The following SLC37A1 variants were observed in gnomAD, a reference collection of about 807,000 sequenced individuals.
SLC37A1 encodes the protein solute carrier family 37 member 1, also known as glucose-6-phosphate exchanger SLC37A1.
Under a neutral mutation model 75.3 loss-of-function variants are expected in SLC37A1, and 49 were observed. That is an observed-to-expected ratio of 0.65 (90% confidence interval 0.52 to 0.83). The LOEUF (loss-of-function observed/expected upper bound fraction) is 0.83. Ranked by LOEUF, SLC37A1 falls within the 40% of genes least tolerant of loss-of-function variation. The probability of loss-of-function intolerance (pLI) is 0.00; values close to 1 mark genes in which losing one functional copy is unlikely to be tolerated. For synonymous variants in SLC37A1, 268 were observed against 292.1 expected, an observed-to-expected ratio of 0.92 and a Z score of 0.84; for missense variants, 566 against 695.0, an observed-to-expected ratio of 0.81 and a Z score of 2.09.
intron 16 of SLC37A1, among the ~76,000 whole-genome samples, chr21:42,567,851 C>T (rs2056019403): frequency 6.6e-6 from 1 of 152,180 alleles, no homozygotes. Context: ...GGACCTGCGC[C>T]AGCCTTGGTT....
chr21:42,518,263 C>A lies in SLC37A1; in HGVS notation c.-178-14C>A. On this transcript the variant is annotated splice_polypyrimidine_tract_variant and intron_variant, in intron 1 of 19. Transcript: ENST00000352133. Reference sequence around the variant, plus strand: ...ACGACACTGGACTCTGAATGCCTCTCCTCCTCCTTGTAGAGAGCAGAGCCA... The same window carrying A: ...ACGACACTGGACTCTGAATGCCTCTACTCCTCCTTGTAGAGAGCAGAGCCA... The A allele has an allele frequency of 1.6e-6, 1 of 628,538 alleles. No homozygotes were observed. Among genetic ancestry groups the A allele is most frequent in the Non-Finnish European group, 2.8e-6 (1 of 353,478 alleles). 38.9% of individuals were successfully genotyped at this position (628,538 alleles called of 1,614,324 possible). A position where few individuals can be genotyped will look rare whatever the true frequency, so the allele number is the denominator to read the frequency against.
Position 42,574,984 on chromosome 21 carries a change from T to C in SLC37A1, c.1521+69T>C. ...CTCTGTGGTTGTGTCCAAACACTGGTGGAACTTTCTCCCATGCATTCCTGA... is the reference window on the plus strand; with the variant it reads ...CTCTGTGGTTGTGTCCAAACACTGGCGGAACTTTCTCCCATGCATTCCTGA... On this transcript the variant is annotated intron_variant, in intron 18 of 19. Coordinates refer to ENST00000352133, the MANE Select transcript of SLC37A1 (RefSeq NM_001320537.2). 3 of 1,597,234 alleles carry C rather than the reference T, an allele frequency of 1.9e-6. No individual in the cohort carries two copies. In the South Asian group the frequency reaches 3.4e-5, roughly 18 times the overall value.
chr21:42,548,096 G>A lies in SLC37A1; in HGVS notation c.768+956G>A, dbSNP rs1057179099. Among the ~76,000 whole-genome samples the A allele has an allele frequency of 5.3e-5, 8 of 152,242 alleles. No homozygotes were observed. Among genetic ancestry groups the A allele is most frequent in the South Asian group, 2.1e-4 (1 of 4,820 alleles). On this transcript the variant is annotated intron_variant, in intron 9 of 19. Transcript: ENST00000352133. This position sits in a 1 kb window ranked among gnomAD's most constrained non-coding sequence, Gnocchi z 5.6. ...CTACCCGGGCTAACATGTTAGTCACGTCTGTGCCGAGTGTCAGACCCCAGA... is the reference window on the plus strand; with the variant it reads ...CTACCCGGGCTAACATGTTAGTCACATCTGTGCCGAGTGTCAGACCCCAGA...
rs866475115 is a variant in SLC37A1 at position 42,530,625 on chromosome 21, C to T, written c.139-4073C>T. On this transcript the variant is annotated intron_variant, in intron 3 of 19. Transcript: ENST00000352133. The stretch of plus-strand genomic sequence containing the variant: ...ACACACACACACACACACACACACA[C>T]ACACACACACACACACACACACACA... 8.4e-4 allele frequency among the ~76,000 whole-genome samples: 90 copies of T among 106,726 alleles called. 2 individuals are homozygous for T. The South Asian group carries it at 0.026, about 31-fold the overall frequency. The allele number at this position is 106,726 out of a possible 152,430, so 70.0% of individuals were successfully genotyped here. A position where few individuals can be genotyped will look rare whatever the true frequency, so the allele number is the denominator to read the frequency against.
intron 1 of SLC37A1, among the ~76,000 whole-genome samples, chr21:42,500,620 C>A (rs376587390): frequency 6.6e-6 from 1 of 152,252 alleles, no homozygotes; most frequent in East Asian, 1.9e-4. Flanking sequence ...TTATCTTAAT[C>A]GTTTTCAGTC....
At chr21:42,503,460 C>T (rs1425664038) in intron 2 of SLC37A1, among the ~76,000 whole-genome samples, 2 of 151,858 alleles carry the variant, frequency 1.3e-5, no homozygotes, top group African/African-American at 4.8e-5. Context: ...GCCATGTCGC[C>T]CAGGCTCAAC....
intron 17 of SLC37A1, among the ~76,000 whole-genome samples, chr21:42,569,508 G>A (rs559620759): frequency 7.2e-4 from 13 of 18,100 alleles, no homozygotes; most frequent in East Asian, 3.8e-3. Context: ...CCCTCGTGCC[G>A]CACTCCCTCG....
In SLC37A1 at chr21:42,547,297, T is replaced by A; in HGVS notation, c.768+157T>A. On this transcript the variant is annotated intron_variant, in intron 9 of 19. Transcript: ENST00000352133. The surrounding 1 kb of genome is among the most constrained non-coding windows in gnomAD (Gnocchi z 6.1). ...GCAGTTCTAGGAATAGAGAATATTC[T>A]GTTTTGGGTTTCGCTGATAATAACC... 1.3e-6 allele frequency: 1 copy of A among 787,492 alleles called. No homozygotes were observed. Among genetic ancestry groups the A allele is most frequent in the Non-Finnish European group, 2.1e-6 (1 of 477,954 alleles). The allele number at this position is 787,492 out of a possible 1,614,324, so 48.8% of individuals were successfully genotyped here. A position where few individuals can be genotyped will look rare whatever the true frequency, so the allele number is the denominator to read the frequency against.
At chr21:42,579,624 G>C in intron 18 of SLC37A1, 112 bp from the exon 19 acceptor site, 1 of 754,420 alleles carries the variant, frequency 1.3e-6, no homozygotes, top group South Asian at 1.8e-5. Context: ...AGGTGCTGTG[G>C]GGAGAGAGCC....
rs751398180 is a variant in SLC37A1, at chr21:42,539,619, A to G, written c.458A>G (p.His153Arg). 2.5e-6 allele frequency: 4 copies of G among 1,613,786 alleles called. No homozygotes were observed. The highest frequency in any genetic ancestry group is 3.4e-6 in the Non-Finnish European group (4 of 1,179,880). Residue 153 changes from histidine (H) to arginine (R), a missense_variant, in exon 6 of 20, where the codon CAC becomes CGC. His to Arg is a conservative substitution (Grantham distance 29, BLOSUM62 0). Coordinates refer to ENST00000352133, the MANE Select transcript of SLC37A1 (RefSeq NM_001320537.2). ...GGCTTAGGGTATTTCTACAACATCCACAGTTTCGGATTCTACGTGGTAACT... is the reference window on the plus strand; with the variant it reads ...GGCTTAGGGTATTTCTACAACATCCGCAGTTTCGGATTCTACGTGGTAACT... ...LFGLGYFYNI[H>R]SFGFYVVTQV...
chr21:42,519,089 T>C (rs1423447732), intron 2 of SLC37A1, among the ~76,000 whole-genome samples: 1 of 152,200 alleles, frequency 6.6e-6, no homozygotes, highest in African/African-American at 2.4e-5. Flanking sequence ...CCTGCTGACC[T>C]CTTCTGGGAG....
chr21:42,540,202 C>T (rs367763114), intron 6 of SLC37A1, among the ~76,000 whole-genome samples: 1 of 152,296 alleles, frequency 6.6e-6, no homozygotes, highest in African/African-American at 2.4e-5. Context: ...CAACACACAG[C>T]GGGACAGGGC....
intron 17 of SLC37A1, among the ~76,000 whole-genome samples, chr21:42,572,863 G>A (rs1257982389): frequency 6.6e-6 from 1 of 152,064 alleles, no homozygotes; most frequent in Non-Finnish European, 1.5e-5. Context: ...CAGACACAGG[G>A]CAGACCTAGG....
chr21:42,563,540 C>CT (rs1465671647), intron 12 of SLC37A1, among the ~76,000 whole-genome samples: 1 of 152,210 alleles, frequency 6.6e-6, no homozygotes, highest in Non-Finnish European at 1.5e-5. Context: ...CTGTGTTAAT[C>CT]TAACTTTATG....
chr21:42,515,591 G>A (rs2054509180), intron 1 of SLC37A1, among the ~76,000 whole-genome samples: 1 of 152,148 alleles, frequency 6.6e-6, no homozygotes, highest in African/African-American at 2.4e-5. Context: ...TCTTTCCTCA[G>A]CTTATTCTGT....
chr21:42,569,333 T>C lies in SLC37A1; in HGVS notation c.1423+895T>C, dbSNP rs369373997. 7.2e-5 allele frequency among the ~76,000 whole-genome samples: 11 copies of C among 152,276 alleles called. 2 individuals are homozygous for C. Among genetic ancestry groups the C allele is most frequent in the East Asian group, 1.9e-4 (1 of 5,166 alleles). On this transcript the variant is annotated intron_variant, in intron 17 of 19. Coordinates refer to ENST00000352133, the MANE Select transcript of SLC37A1 (RefSeq NM_001320537.2). ...AGCAGGCTGGAAACATCACAGCACG[T>C]TTCTGGGTGCCCACTGCTGTCTCAG...
chr21:42,575,599 A>G (rs2056290728), intron 18 of SLC37A1: 2 of 985,298 alleles, frequency 2.0e-6, no homozygotes, highest in South Asian at 4.7e-5. Flanking sequence ...TGAGGGGTGC[A>G]TACACATCTT....
At chr21:42,568,311 C>G in intron 16 of SLC37A1, 49 bp from the exon 17 acceptor site, 1 of 1,480,316 alleles carries the variant, frequency 6.8e-7, no homozygotes, top group Non-Finnish European at 9.4e-7. Flanking sequence ...CTTAGGTTTA[C>G]TTCTCATGCT....
In SLC37A1 at chr21:42,564,794, G is replaced by A. The variant is rs1185076816; in HGVS notation, c.1221+1G>A. 6.9e-6 allele frequency: 11 copies of A among 1,603,806 alleles called. No homozygotes were observed. Among genetic ancestry groups the A allele is most frequent in the Non-Finnish European group, 9.3e-6 (11 of 1,179,820 alleles). Reference sequence around the variant, plus strand: ...GATGCTGCTGCTCGCGGCCCCCACGGTCAGCCGTGCTGCCTTCCCTGGGCC... The same window carrying A: ...GATGCTGCTGCTCGCGGCCCCCACGATCAGCCGTGCTGCCTTCCCTGGGCC... On this transcript the variant is annotated splice_donor_variant, in intron 14 of 19. Transcript: ENST00000352133. LOFTEE classifies it high-confidence loss of function.
Sources: gnomAD v4.1 joint callset for allele counts (sites outside exome capture counted in the v4.1 genomes callset) on GRCh38, gnomAD v4.1.1 for gene constraint, Gnocchi (gnomAD v3.1) non-coding constraint, MANE v1.5 for transcripts, NCBI Gene and HGNC (gene_info 2026-07-23, HGNC 2026-07-21) for gene names.